The following PHGDH variants were observed in gnomAD, a reference collection of about 807,000 sequenced individuals.
The protein encoded by PHGDH is D-3-phosphoglycerate dehydrogenase.
PHGDH carries 50 observed loss-of-function variants against 52.6 expected under a neutral mutation model. The ratio of observed to expected loss-of-function variants is 0.95; its 90% CI spans 0.76 to 1.20. The LOEUF is 1.20. Among genes scored for constraint, PHGDH ranks in the 50% most tolerant of loss-of-function variants. The pLI is 0.00. For missense variants in PHGDH, 630 were observed against 684.6 expected, an observed-to-expected ratio of 0.92 and a Z score of 0.89; for synonymous variants, 271 against 280.5, an observed-to-expected ratio of 0.97 and a Z score of 0.34.
intron 5 of PHGDH, among the ~76,000 whole-genome samples, chr1:119,731,262 T>C (rs886064388): frequency 3.3e-5 from 5 of 152,224 alleles, no homozygotes; most frequent in Admixed American, 1.3e-4. Flanking sequence ...GTCTGAGTCA[T>C]ACAGGTCTTA....
At chr1:119,742,212 A>C (rs1652240818) in intron 10 of PHGDH, 1 of 423,748 alleles carries the variant, frequency 2.4e-6, no homozygotes, top group African/African-American at 2.0e-5. Context: ...GCCATGTTTG[A>C]CTCTGCCTAA....
intron 11 of PHGDH, among the ~76,000 whole-genome samples, chr1:119,743,312 C>T (rs587680917): frequency 6.6e-6 from 1 of 152,336 alleles, no homozygotes; most frequent in Non-Finnish European, 1.5e-5. Context: ...TGTGGATCCT[C>T]AGCTTGCCAT....
At chr1:119,723,496 A>ATTTG in intron 3 of PHGDH, 55 bp downstream of exon 3, 2 of 1,360,532 alleles carry the variant, frequency 1.5e-6, no homozygotes, top group Non-Finnish European at 2.1e-6. Flanking sequence ...AATTATTACC[A>ATTTG]CTTGCCAAGC....
At chr1:119,738,616 A>G (rs12752197) in intron 8 of PHGDH, among the ~76,000 whole-genome samples, 3,898 of 152,324 alleles carry the variant, frequency 0.026, 62 homozygotes, top group Non-Finnish European at 0.031. Context: ...TTGCCAGCCA[A>G]TCTGGGCTTC....
At chr1:119,722,265 G>A (rs1195642975) in intron 2 of PHGDH, among the ~76,000 whole-genome samples, 1 of 152,146 alleles carries the variant, frequency 6.6e-6, no homozygotes. Context: ...TTTGCAGGCA[G>A]ACAGACTCTG....
chr1:119,733,317 C>T (rs957324984), intron 5 of PHGDH, among the ~76,000 whole-genome samples: 70 of 151,876 alleles, frequency 4.6e-4, no homozygotes, highest in African/African-American at 1.6e-3. Flanking sequence ...GTCCTCTTTC[C>T]TATTACGTTC....
intron 7 of PHGDH, 63 bp downstream of exon 7, chr1:119,735,506 G>T: frequency 6.6e-7 from 1 of 1,513,324 alleles, no homozygotes; most frequent in Non-Finnish European, 9.1e-7. Flanking sequence ...GAGGCCCATG[G>T]CAGGGAAAGC....
chr1:119,737,089 C>T (rs1557978658), intron 7 of PHGDH, 25 bp from the exon 8 acceptor site: 2 of 1,613,248 alleles, frequency 1.2e-6, no homozygotes, highest in African/African-American at 2.7e-5. Context: ...TGGCAGCCAA[C>T]TTAGAGGTAT....
chr1:119,727,479 G>A (rs1485199099), intron 5 of PHGDH: 1 of 337,646 alleles, frequency 3.0e-6, no homozygotes, highest in South Asian at 2.5e-5. Context: ...AAAGTTAAGT[G>A]CAGAGTAGAC....
intron 1 of PHGDH, among the ~76,000 whole-genome samples, chr1:119,718,862 G>A (rs1195092157): frequency 6.6e-6 from 1 of 152,118 alleles, no homozygotes; most frequent in African/African-American, 2.4e-5. Context: ...CAAAACTGCA[G>A]GTCTAAGAGA....
At chr1:119,730,892 A>G (rs759225944) in intron 5 of PHGDH, among the ~76,000 whole-genome samples, 5 of 152,192 alleles carry the variant, frequency 3.3e-5, no homozygotes, top group African/African-American at 4.8e-5. Context: ...ACCATGTGTC[A>G]TTTGTGGATG....
chr1:119,741,916 C>A lies in PHGDH; in HGVS notation c.1209+19C>A. On this transcript the variant is annotated intron_variant, in intron 10 of 11. Coordinates refer to ENST00000641023, the MANE Select transcript of PHGDH (RefSeq NM_006623.4). Reference sequence around the variant, plus strand: ...CCTCAATGTGCGCCCCTCTCCCCCACGCTGCCTCCCCATCCCTGTCAGCAC... The same window carrying A: ...CCTCAATGTGCGCCCCTCTCCCCCAAGCTGCCTCCCCATCCCTGTCAGCAC... 1 of 1,606,124 alleles carries A rather than the reference C, an allele frequency of 6.2e-7. No homozygotes were observed. The highest frequency in any genetic ancestry group is 1.1e-5 in the South Asian group (1 of 90,884).
intron 11 of PHGDH, among the ~76,000 whole-genome samples, chr1:119,743,489 C>T (rs1347146335): frequency 6.6e-6 from 1 of 152,224 alleles, no homozygotes; most frequent in Non-Finnish European, 1.5e-5. Context: ...TGGACCTGCC[C>T]CAGTCAGCTG....
chr1:119,724,578 A>G (rs1651317013), intron 3 of PHGDH: 1 of 363,548 alleles, frequency 2.8e-6, no homozygotes, highest in African/African-American at 2.1e-5. Context: ...TTCTCCCAGA[A>G]CATCTAGGCT....
intron 5 of PHGDH, among the ~76,000 whole-genome samples, chr1:119,731,455 C>T (rs1651685894): frequency 1.3e-5 from 2 of 152,156 alleles, no homozygotes; most frequent in Admixed American, 1.3e-4. Context: ...AGGGAACAGA[C>T]AAGCATCTCT....
chr1:119,716,301 G>A (rs1157791474), intron 1 of PHGDH, among the ~76,000 whole-genome samples: 1 of 152,128 alleles, frequency 6.6e-6, no homozygotes, highest in African/African-American at 2.4e-5. Context: ...TGGCACCAAA[G>A]AAGGCTGGTT....
At chr1:119,741,950 T>C in intron 10 of PHGDH, 53 bp downstream of exon 10, 4 of 1,496,628 alleles carry the variant, frequency 2.7e-6, no homozygotes, top group Middle Eastern at 1.8e-4. Flanking sequence ...ACTAGTCTTC[T>C]CCCCCACATT....
Position 119,737,132 on chromosome 1 carries a change from G to T in PHGDH, c.811G>T (p.Ala271Ser), listed in dbSNP as rs1490577550. The change falls in exon 8 of 12, where the codon GCC (alanine) becomes TCC (serine). Residue 271 changes from alanine (A) to serine (S), a missense_variant. Transcript: ENST00000641023. The stretch of plus-strand genomic sequence containing the variant: ...TGGGCAGGAGCCGCCACGGGACCGG[G>T]CCTTGGTGGACCATGAGAATGTCAT... ...VFTEEPPRDR[A>S]LVDHENVISC... 1 of 1,614,210 alleles carries T rather than the reference G, an allele frequency of 6.2e-7. No individual in the cohort carries two copies. The highest frequency in any genetic ancestry group is 1.1e-5 in the South Asian group (1 of 91,080).
At position 119,744,180 on chromosome 1, in the gene PHGDH, A is replaced by G. The variant is rs587687027; in HGVS notation, c.*140A>G. On this transcript the variant is annotated 3_prime_UTR_variant, in exon 12 of 12. Coordinates refer to ENST00000641023, the MANE Select transcript of PHGDH (RefSeq NM_006623.4). Reference sequence around the variant, plus strand: ...TTACACTGCACTCTGACCCTGTAGTACAGCAATAACCGTCTAATAAAGAGC... The same window carrying G: ...TTACACTGCACTCTGACCCTGTAGTGCAGCAATAACCGTCTAATAAAGAGC... 2.3e-4 allele frequency: 179 copies of G among 779,022 alleles called. 1 individual carries two copies. The African/African-American group carries it at 2.9e-3, about 13-fold the overall frequency. 48.3% of individuals were successfully genotyped at this position (779,022 alleles called of 1,614,324 possible). A position where few individuals can be genotyped will look rare whatever the true frequency, so the allele number is the denominator to read the frequency against.
Sources: allele counts gnomAD v4.1 joint callset (sites outside exome capture counted in the v4.1 genomes callset), GRCh38; gene constraint gnomAD v4.1.1; transcripts MANE v1.5; gene names NCBI Gene and HGNC (gene_info 2026-07-23, HGNC 2026-07-21).